Variants in PLCXD3 observed in about 807,000 individuals in gnomAD.
PLCXD3 encodes the protein phosphatidylinositol specific phospholipase C X domain containing 3.
In PLCXD3, 19 loss-of-function variants were observed where a neutral mutation model predicts 25.5. That is an observed-to-expected ratio of 0.75 (90% confidence interval 0.52 to 1.09). The LOEUF is 1.09. PLCXD3 is among the 50% of genes least tolerant of loss of function. The probability of loss-of-function intolerance (pLI) is 0.00; values close to 1 mark genes in which losing one functional copy is unlikely to be tolerated. For missense variants in PLCXD3, 411 were observed against 388.1 expected, an observed-to-expected ratio of 1.06 and a Z score of -0.50; for synonymous variants, 174 against 137.6, an observed-to-expected ratio of 1.26 and a Z score of -1.85.
At chr5:41,414,171 C>G (rs1403763478) in intron 1 of PLCXD3, among the ~76,000 whole-genome samples, 1 of 152,110 alleles carries the variant, frequency 6.6e-6, no homozygotes, top group Non-Finnish European at 1.5e-5. Context: ...ACTTGTCTGT[C>G]TTGGCCTTAG....
intron 1 of PLCXD3, among the ~76,000 whole-genome samples, chr5:41,506,275 T>A (rs1749050181): frequency 6.6e-6 from 1 of 152,236 alleles, no homozygotes; most frequent in Non-Finnish European, 1.5e-5. Flanking sequence ...TTACATTGAA[T>A]AACAATAGTC....
intron 1 of PLCXD3, among the ~76,000 whole-genome samples, chr5:41,485,245 A>C (rs1374660165): frequency 6.6e-6 from 1 of 152,204 alleles, no homozygotes; most frequent in Non-Finnish European, 1.5e-5. Context: ...TCTTAGAGTG[A>C]AAAAATGTCT....
chr5:41,486,944 G>A (rs773190333), intron 1 of PLCXD3, among the ~76,000 whole-genome samples: 13 of 152,044 alleles, frequency 8.6e-5, no homozygotes, highest in Admixed American at 3.9e-4. Context: ...TCCCCCAACC[G>A]TTTTACAGAT....
At chr5:41,474,220 G>A (rs540551593) in intron 1 of PLCXD3, among the ~76,000 whole-genome samples, 4 of 152,286 alleles carry the variant, frequency 2.6e-5, no homozygotes, top group African/African-American at 9.6e-5. Context: ...GGGTAGAAAG[G>A]GCAGGGAGGA....
At chr5:41,459,072 C>A (rs1402548839) in intron 1 of PLCXD3, among the ~76,000 whole-genome samples, 2 of 151,516 alleles carry the variant, frequency 1.3e-5, no homozygotes, top group African/African-American at 4.8e-5. Flanking sequence ...AAATATTTTC[C>A]TTCAATGCCA....
chr5:41,453,368 T>C lies in PLCXD3; in HGVS notation c.103+57056A>G, dbSNP rs375088704. On this transcript the variant is annotated intron_variant, in intron 1 of 2. Coordinates refer to ENST00000377801, the MANE Select transcript of PLCXD3 (RefSeq NM_001005473.3). The stretch of plus-strand genomic sequence containing the variant: ...CCCATTCTCTGTCTTTTTTTTTTTT[T>C]AATGACCGCATGGCAATTGGTTTCC... Among the ~76,000 whole-genome samples the C allele has an allele frequency of 2.0e-3, 304 of 151,836 alleles. 1 individual carries two copies. Among genetic ancestry groups the C allele is most frequent in the African/African-American group, 6.8e-3 (281 of 41,442 alleles).
chr5:41,387,595 G>A (rs1305157425), intron 1 of PLCXD3, among the ~76,000 whole-genome samples: 4 of 152,006 alleles, frequency 2.6e-5, no homozygotes, highest in Non-Finnish European at 5.9e-5. Flanking sequence ...CTGATTAAAG[G>A]CCCCCAGTAA....
chr5:41,475,791 C>T (rs1748270957), intron 1 of PLCXD3: 1 of 521,868 alleles, frequency 1.9e-6, no homozygotes, highest in South Asian at 1.4e-5. Flanking sequence ...GCTGTTACTA[C>T]TTGAGACCAT....
At chr5:41,426,341 A>G (rs1746956960) in intron 1 of PLCXD3, among the ~76,000 whole-genome samples, 1 of 151,960 alleles carries the variant, frequency 6.6e-6, no homozygotes, top group Non-Finnish European at 1.5e-5. Flanking sequence ...AATTATATCA[A>G]TGAATTTGAA....
intron 2 of PLCXD3, among the ~76,000 whole-genome samples, chr5:41,360,946 G>A (rs1219224805): frequency 6.6e-6 from 1 of 152,188 alleles, no homozygotes; most frequent in African/African-American, 2.4e-5. Context: ...CTCAGGCCAT[G>A]GGAAGGGCTA....
intron 2 of PLCXD3, among the ~76,000 whole-genome samples, chr5:41,369,564 C>A (rs2150488127): frequency 6.6e-6 from 1 of 152,150 alleles, no homozygotes; most frequent in African/African-American, 2.4e-5. Context: ...CACTGCAACC[C>A]CGGCCTCCTG....
intron 1 of PLCXD3, among the ~76,000 whole-genome samples, chr5:41,490,888 C>A (rs1031720092): frequency 2.6e-5 from 4 of 152,110 alleles, no homozygotes; most frequent in Admixed American, 2.6e-4. Context: ...GAAACCAGCT[C>A]CTGGATTCAT....
At chr5:41,380,027 G>A (rs910398305) in intron 2 of PLCXD3, among the ~76,000 whole-genome samples, 3 of 151,984 alleles carry the variant, frequency 2.0e-5, no homozygotes, top group Non-Finnish European at 4.4e-5. Flanking sequence ...GATTTTATGT[G>A]GAGGAACATT....
intron 2 of PLCXD3, among the ~76,000 whole-genome samples, chr5:41,319,354 T>C (rs184653180): frequency 1.5e-3 from 222 of 152,270 alleles, no homozygotes; most frequent in Non-Finnish European, 6.2e-4. Context: ...ATAGACCATA[T>C]TTTAGGTCAC....
chr5:41,460,432 T>C (rs1487366455), intron 1 of PLCXD3, among the ~76,000 whole-genome samples: 2 of 151,920 alleles, frequency 1.3e-5, no homozygotes, highest in Non-Finnish European at 2.9e-5. Context: ...ATATCTATAT[T>C]TTTTAAAGTC....
At chr5:41,349,781 T>C (rs1438715661) in intron 2 of PLCXD3, among the ~76,000 whole-genome samples, 1 of 152,118 alleles carries the variant, frequency 6.6e-6, no homozygotes, top group Non-Finnish European at 1.5e-5. Flanking sequence ...GCATCACAGG[T>C]CTTTAAATTA....
intron 1 of PLCXD3, among the ~76,000 whole-genome samples, chr5:41,501,821 T>A (rs1257717665): frequency 6.6e-6 from 1 of 152,042 alleles, no homozygotes; most frequent in Non-Finnish European, 1.5e-5. Context: ...GATAGAGAAT[T>A]AACCATTACC....
intron 2 of PLCXD3, among the ~76,000 whole-genome samples, chr5:41,345,943 T>C (rs1744290395): frequency 6.6e-6 from 1 of 151,974 alleles, no homozygotes; most frequent in Admixed American, 6.6e-5. Context: ...GCAGTGGCAC[T>C]ATCTTGGCTC....
At chr5:41,388,766 C>A (rs1434556915) in intron 1 of PLCXD3, among the ~76,000 whole-genome samples, 1 of 151,756 alleles carries the variant, frequency 6.6e-6, no homozygotes, top group East Asian at 1.9e-4. Context: ...GAAAGACAAC[C>A]AAAATAATAT....
Sources: gnomAD v4.1 joint callset for allele counts (sites outside exome capture counted in the v4.1 genomes callset) on GRCh38, gnomAD v4.1.1 for gene constraint, MANE v1.5 for transcripts, NCBI Gene and HGNC (gene_info 2026-07-23, HGNC 2026-07-21) for gene names.